AQR: variants seen among roughly 807,000 people sequenced by gnomAD.
AQR encodes the protein RNA helicase aquarius.
In AQR, 61 loss-of-function variants were observed where a neutral mutation model predicts 180.5. The observed-to-expected ratio is 0.34, with a 90% confidence interval of 0.28 to 0.42. AQR has a LOEUF of 0.42. Among genes scored for constraint, AQR ranks in the 10% least tolerant of loss-of-function variants. The pLI is 1.00. For synonymous variants in AQR, 551 were observed against 588.8 expected (o/e 0.94, Z 0.93); for missense variants, 1,281 against 1,798.3 (o/e 0.71, Z 5.20).
At chr15:34,895,334 G>A (rs1218876840) in intron 22 of AQR, among the ~76,000 whole-genome samples, 2 of 149,612 alleles carry the variant, frequency 1.3e-5, no homozygotes, top group African/African-American at 4.9e-5. Context: ...AAATAAAAAT[G>A]ATAGGCCTAA....
At chr15:34,901,012 T>C in intron 19 of AQR, 149 bp from the exon 20 acceptor site, 1 of 1,007,366 alleles carries the variant, frequency 9.9e-7, no homozygotes, top group Non-Finnish European at 1.4e-6. Context: ...GGTGCTTGGC[T>C]AGACTGAATC....
intron 4 of AQR, among the ~76,000 whole-genome samples, chr15:34,952,049 G>A (rs1048712404): frequency 1.3e-5 from 2 of 152,142 alleles, no homozygotes; most frequent in African/African-American, 2.4e-5. Flanking sequence ...CTAGAAAAAC[G>A]ATAAGACCAT....
chr15:34,862,267 CA>C (rs1346497521), intron 33 of AQR, among the ~76,000 whole-genome samples: 24 of 152,222 alleles, frequency 1.6e-4, no homozygotes, highest in Non-Finnish European at 1.5e-5. Context: ...GTTCTCCTTA[CA>C]AAGCTGAAGA....
At chr15:34,886,733 C>G in intron 24 of AQR, 72 bp from the exon 25 acceptor site, 1 of 1,429,118 alleles carries the variant, frequency 7.0e-7, no homozygotes, top group Non-Finnish European at 9.4e-7. Context: ...CAGCAAAATT[C>G]AAGAAAATCA....
intron 15 of AQR, among the ~76,000 whole-genome samples, chr15:34,916,984 C>T (rs1230867504): frequency 2.6e-5 from 4 of 151,846 alleles, no homozygotes; most frequent in Non-Finnish European, 5.9e-5. Flanking sequence ...ACCACCTTGT[C>T]AGCTATCCCA....
At chr15:34,865,105 G>GA (rs1346155472) in intron 32 of AQR, among the ~76,000 whole-genome samples, 1 of 152,170 alleles carries the variant, frequency 6.6e-6, no homozygotes, top group Non-Finnish European at 1.5e-5. Context: ...GTTATGTCTT[G>GA]AAAGCAGGGC....
intron 1 of AQR, among the ~76,000 whole-genome samples, chr15:34,965,372 C>T (rs1465055314): frequency 1.3e-5 from 2 of 152,130 alleles, no homozygotes; most frequent in Admixed American, 6.6e-5. Flanking sequence ...TAACTTCCTA[C>T]TTAAATGACA....
intron 5 of AQR, among the ~76,000 whole-genome samples, chr15:34,947,088 A>C (rs1894139174): frequency 6.6e-6 from 1 of 152,218 alleles, no homozygotes; most frequent in Non-Finnish European, 1.5e-5. Flanking sequence ...GGTGGGGAAA[A>C]GATTGAGAAA....
At chr15:34,906,034 G>C (rs1323114289) in intron 18 of AQR, among the ~76,000 whole-genome samples, 1 of 151,538 alleles carries the variant, frequency 6.6e-6, no homozygotes, top group Non-Finnish European at 1.5e-5. Context: ...ACTCCGTCTT[G>C]GGGGGAAAAA....
chr15:34,859,240 G>A (rs1264203343), intron 34 of AQR, among the ~76,000 whole-genome samples: 1 of 152,050 alleles, frequency 6.6e-6, no homozygotes, highest in African/African-American at 2.4e-5. Flanking sequence ...AAAATGAGCA[G>A]GAAACCTGAG....
At chr15:34,864,595 AGTGG>A in intron 32 of AQR, among the ~76,000 whole-genome samples, 1 of 152,202 alleles carries the variant, frequency 6.6e-6, no homozygotes, top group East Asian at 1.9e-4. Flanking sequence ...ATAAAATTAT[AGTGG>A]AATTTAATGT....
At chr15:34,945,727 TAA>T (rs1267745170) in intron 5 of AQR, among the ~76,000 whole-genome samples, 1 of 152,214 alleles carries the variant, frequency 6.6e-6, no homozygotes, top group East Asian at 1.9e-4. Context: ...GGTTTTATCT[TAA>T]AGACTCTATC....
chr15:34,946,518 C>T (rs1454971182), intron 5 of AQR, among the ~76,000 whole-genome samples: 15 of 143,328 alleles, frequency 1.0e-4, no homozygotes, highest in Non-Finnish European at 6.1e-5. Flanking sequence ...CCGCCCCGTC[C>T]GGGAGGGAGG....
intron 6 of AQR, chr15:34,943,021 T>C: frequency 6.6e-7 from 1 of 1,525,786 alleles, no homozygotes; most frequent in Non-Finnish European, 9.0e-7. Context: ...TTTCTATTTG[T>C]TCTGTTTAGT....
intron 33 of AQR, among the ~76,000 whole-genome samples, chr15:34,861,042 A>G (rs1892664197): frequency 6.6e-6 from 1 of 152,256 alleles, no homozygotes; most frequent in Non-Finnish European, 1.5e-5. Context: ...ATTTATAGTT[A>G]TTAATAAAAT....
At chr15:34,866,976 G>T (rs1892744974) in intron 32 of AQR, among the ~76,000 whole-genome samples, 1 of 151,964 alleles carries the variant, frequency 6.6e-6, no homozygotes, top group Admixed American at 6.6e-5. Flanking sequence ...TGAGATGAAG[G>T]TTTATATAAA....
intron 27 of AQR, 80 bp from the exon 28 acceptor site, chr15:34,876,086 C>T (rs1184021279): frequency 2.9e-6 from 3 of 1,032,274 alleles, no homozygotes; most frequent in Non-Finnish European, 4.4e-6. Context: ...TCAAAAAAAC[C>T]CCAAATAATT....
chr15:34,897,012 T>C (rs754932560), intron 21 of AQR, 46 bp from the exon 22 acceptor site: 1 of 1,458,164 alleles, frequency 6.9e-7, no homozygotes, highest in Non-Finnish European at 9.6e-7. Context: ...AAATGATGCT[T>C]TGTATAATAC....
Position 34,942,971 on chromosome 15 carries a change from TTC to T in AQR, c.472-893_472-892del, listed in dbSNP as rs1307053322. The T allele has an allele frequency of 5.6e-6, 7 of 1,248,050 alleles. No individual in the cohort carries two copies. In the African/African-American group the frequency reaches 1.1e-4, roughly 19 times the overall value. The allele number at this position is 1,248,050 out of a possible 1,614,324, so 77.3% of individuals were successfully genotyped here. A position where few individuals can be genotyped will look rare whatever the true frequency, so the allele number is the denominator to read the frequency against. ...ATTACTAATACTAATAAAATCTTGT[TTC>T]TGTTTAGTTTCTGATAAAAAAATCA... On this transcript the variant is annotated intron_variant, in intron 6 of 34. Transcript: ENST00000156471.
Sources: allele counts gnomAD v4.1 joint callset (sites outside exome capture counted in the v4.1 genomes callset), GRCh38; gene constraint gnomAD v4.1.1; transcripts MANE v1.5; gene names NCBI Gene and HGNC (gene_info 2026-07-23, HGNC 2026-07-21).